The following TMEM192 variants were observed in gnomAD, a reference collection of about 807,000 sequenced individuals.
TMEM192 encodes transmembrane protein 192.
Under a neutral mutation model 26.7 loss-of-function variants are expected in TMEM192, and 20 were observed. The observed-to-expected ratio is 0.75, with a 90% CI of 0.53 to 1.09. TMEM192 has a LOEUF of 1.09. Among genes scored for constraint, TMEM192 ranks in the 50% least tolerant of loss-of-function variants. The probability of loss-of-function intolerance (pLI) is 0.00; values close to 1 mark genes in which losing one functional copy is unlikely to be tolerated. For synonymous variants in TMEM192, 124 were observed against 121.0 expected (o/e 1.02, Z -0.16); for missense variants, 304 against 322.6 (o/e 0.94, Z 0.44).
chr4:165,097,687 C>T (rs1734946092), intron 3 of TMEM192, among the ~76,000 whole-genome samples: 1 of 149,854 alleles, frequency 6.7e-6, no homozygotes, highest in African/African-American at 2.5e-5. Flanking sequence ...AATCATAGCT[C>T]ACTGCAGCCT....
At chr4:165,080,219 T>A (rs1007268765) in intron 5 of TMEM192, among the ~76,000 whole-genome samples, 3 of 152,190 alleles carry the variant, frequency 2.0e-5, no homozygotes, top group Non-Finnish European at 4.4e-5. Context: ...CATTTGTTTA[T>A]TTTTGCATTT....
chr4:165,097,656 C>T (rs1734945436), intron 3 of TMEM192, among the ~76,000 whole-genome samples: 3 of 148,220 alleles, frequency 2.0e-5, no homozygotes, highest in African/African-American at 7.5e-5. Context: ...ACTCTTTCAC[C>T]TAGGCTGGAG....
intron 5 of TMEM192, among the ~76,000 whole-genome samples, chr4:165,084,692 T>G (rs1734568990): frequency 6.7e-6 from 1 of 150,308 alleles, no homozygotes; most frequent in African/African-American, 2.4e-5. Flanking sequence ...ATGGATCACT[T>G]GAGGTCAGGA....
At chr4:165,085,273 C>CAAAAA (rs398051329) in intron 5 of TMEM192, among the ~76,000 whole-genome samples, 1 of 83,702 alleles carries the variant, frequency 1.2e-5, no homozygotes, top group Non-Finnish European at 2.4e-5. Context: ...AACTCCATCT[C>CAAAAA]AAAAAAAAAA....
At chr4:165,107,268 A>G (rs1466849885) in intron 1 of TMEM192, among the ~76,000 whole-genome samples, 1 of 150,978 alleles carries the variant, frequency 6.6e-6, no homozygotes, top group Admixed American at 6.6e-5. Context: ...CAAGTGGTCC[A>G]CCCTCAGCCT....
chr4:165,101,647 C>T (rs1735041101), intron 2 of TMEM192, among the ~76,000 whole-genome samples: 1 of 152,196 alleles, frequency 6.6e-6, no homozygotes, highest in Admixed American at 6.6e-5. Context: ...CTGGAAACCA[C>T]AAGGCCACCC....
rs1454770801 is a variant in TMEM192, at chr4:165,072,440, C to G, written c.*7218G>C. The G allele has an allele frequency of 1.3e-5, 2 of 151,260 alleles. No homozygotes were observed. Among genetic ancestry groups the G allele is most frequent in the Admixed American group, 6.6e-5 (1 of 15,120 alleles). 9.4% of individuals were successfully genotyped at this position (151,260 alleles called of 1,614,324 possible). On this transcript the variant is annotated 3_prime_UTR_variant, in exon 6 of 6. Transcript: ENST00000306480. ...GGTGTGGTGGTATGTGCCGGTAATCCCAGCTACTCAGGAGGCTGAAGCAAG... is the reference window on the plus strand; with the variant it reads ...GGTGTGGTGGTATGTGCCGGTAATCGCAGCTACTCAGGAGGCTGAAGCAAG...
rs1734377184 is a variant in TMEM192, at chr4:165,076,175, A to G, written c.*3483T>C. On this transcript the variant is annotated 3_prime_UTR_variant, in exon 6 of 6. Coordinates refer to ENST00000306480, the MANE Select transcript of TMEM192 (RefSeq NM_001100389.2). ...TATAATAAGTCATGATACTGTTGTCATTTGGAATACATATACATACATATA... is the reference window on the plus strand; with the variant it reads ...TATAATAAGTCATGATACTGTTGTCGTTTGGAATACATATACATACATATA... 6.6e-6 allele frequency: 1 copy of G among 152,164 alleles called. No homozygotes were observed. Among genetic ancestry groups the G allele is most frequent in the African/African-American group, 2.4e-5 (1 of 41,444 alleles). The allele number at this position is 152,164 out of a possible 1,614,324, so 9.4% of individuals were successfully genotyped here.
chr4:165,090,389 A>C (rs1350988538), intron 3 of TMEM192, among the ~76,000 whole-genome samples: 2 of 151,718 alleles, frequency 1.3e-5, no homozygotes, highest in African/African-American at 4.8e-5. Context: ...TTCAAAAAAA[A>C]AAAAAATCTA....
At chr4:165,096,445 G>A (rs1030379090) in intron 3 of TMEM192, among the ~76,000 whole-genome samples, 6 of 151,490 alleles carry the variant, frequency 4.0e-5, no homozygotes, top group Admixed American at 2.0e-4. Context: ...ATCTAAGGAA[G>A]GAGAACAGAT....
rs540032631 is a variant in TMEM192 at position 165,103,742 on chromosome 4, G to A, written c.28-646C>T. Among the ~76,000 whole-genome samples, 422 of 152,076 alleles carry A rather than the reference G, an allele frequency of 2.8e-3. 2 individuals are homozygous for A. The highest frequency in any genetic ancestry group is 9.3e-3 in the African/African-American group (385 of 41,494). On this transcript the variant is annotated intron_variant, in intron 1 of 5. Coordinates refer to ENST00000306480, the MANE Select transcript of TMEM192 (RefSeq NM_001100389.2). ...TCTCTATGTTGGTCAGGCTGGTCGCGAACTCCTGACCTCAGGTGATCCGCC... is the reference window on the plus strand; with the variant it reads ...TCTCTATGTTGGTCAGGCTGGTCGCAAACTCCTGACCTCAGGTGATCCGCC...
chr4:165,109,862 C>T (rs1735253414), intron 1 of TMEM192, among the ~76,000 whole-genome samples: 1 of 152,206 alleles, frequency 6.6e-6, no homozygotes, highest in Admixed American at 6.5e-5. Flanking sequence ...TTTATGTTCT[C>T]TATAAAACTG....
chr4:165,106,711 C>T (rs1735167756), intron 1 of TMEM192, among the ~76,000 whole-genome samples: 1 of 152,214 alleles, frequency 6.6e-6, no homozygotes, highest in Non-Finnish European at 1.5e-5. Context: ...TTGCCTGGGG[C>T]TCTCAGGCCT....
chr4:165,107,592 C>T (rs1340687323), intron 1 of TMEM192, among the ~76,000 whole-genome samples: 2 of 152,148 alleles, frequency 1.3e-5, no homozygotes, highest in African/African-American at 4.8e-5. Flanking sequence ...AATCCACCCA[C>T]CTTGGCCTCC....
intron 1 of TMEM192, among the ~76,000 whole-genome samples, chr4:165,110,689 G>C (rs1389490990): frequency 6.6e-6 from 1 of 152,124 alleles, no homozygotes; most frequent in Non-Finnish European, 1.5e-5. Flanking sequence ...TGGGCAACAA[G>C]GGTGAAACTC....
intron 3 of TMEM192, among the ~76,000 whole-genome samples, chr4:165,092,902 A>G (rs1177551786): frequency 1.3e-5 from 2 of 151,874 alleles, no homozygotes; most frequent in Admixed American, 6.6e-5. Flanking sequence ...GTCTCTTAAA[A>G]AAAAAATAAT....
chr4:165,103,030 G>A lies in TMEM192; in HGVS notation c.94C>T (p.His32Tyr), dbSNP rs770558269. Reference sequence around the variant, plus strand: ...GGTCTAAAGTGAGCTTGTAATGAGTGGTGTGGGAGAAGCTGGGCATCCAGA... The same window carrying A: ...GGTCTAAAGTGAGCTTGTAATGAGTAGTGTGGGAGAAGCTGGGCATCCAGA... ...PLLDAQLLPHHSLQAHFRPRF... is the reference protein window; with the variant it reads ...PLLDAQLLPHYSLQAHFRPRF... The change falls in exon 2 of 6, where the codon CAC (histidine) becomes TAC (tyrosine). Residue 32 changes from histidine (H) to tyrosine (Y), a missense_variant. By Grantham distance (83) the His-to-Tyr change is moderately conservative (BLOSUM62 2). Coordinates refer to ENST00000306480, the MANE Select transcript of TMEM192 (RefSeq NM_001100389.2). 1 of 1,613,448 alleles carries A rather than the reference G, an allele frequency of 6.2e-7. No individual in the cohort carries two copies. The highest frequency in any genetic ancestry group is 1.1e-5 in the South Asian group (1 of 91,026).
In TMEM192 at chr4:165,108,878, T is replaced by G. The variant is rs150116147; in HGVS notation, c.27+3869A>C. 1.4e-4 allele frequency among the ~76,000 whole-genome samples: 21 copies of G among 152,316 alleles called. No homozygotes were observed. The East Asian group carries it at 3.7e-3, about 27-fold the overall frequency. On this transcript the variant is annotated intron_variant, in intron 1 of 5. Transcript: ENST00000306480. ...CAACTCCATCTCCTCAACTCAGAAGTCTGCTGGGCTCTGCCTGGCTTCCCC... is the reference window on the plus strand; with the variant it reads ...CAACTCCATCTCCTCAACTCAGAAGGCTGCTGGGCTCTGCCTGGCTTCCCC...
chr4:165,103,074 C>T lies in TMEM192; in HGVS notation c.50G>A (p.Ser17Asn), dbSNP rs1735076519. Residue 17 changes from serine (S) to asparagine (N), a missense_variant, in exon 2 of 6, where the codon AGT (serine) becomes AAT (asparagine). Physicochemically the swap from Ser to Asn is conservative, Grantham distance 46. Transcript: ENST00000306480. ...ATCCAGAAGTGGGTCGTCTTCAATACTCTGGGTGATATCCAAGGAACCCTG... is the reference window on the plus strand; with the variant it reads ...ATCCAGAAGTGGGTCGTCTTCAATATTCTGGGTGATATCCAAGGAACCCTG... ...MEDGSLDITQ[S>N]IEDDPLLDAQ... The T allele has an allele frequency of 2.5e-6, 4 of 1,611,522 alleles. No individual in the cohort carries two copies. The highest frequency in any genetic ancestry group is 3.4e-6 in the Non-Finnish European group (4 of 1,178,940).
Sources: gnomAD v4.1 joint callset for allele counts (sites outside exome capture counted in the v4.1 genomes callset) on GRCh38, gnomAD v4.1.1 for gene constraint, MANE v1.5 for transcripts, NCBI Gene and HGNC (gene_info 2026-07-23, HGNC 2026-07-21) for gene names.